Variants in STAU2 observed in about 807,000 individuals in gnomAD.
STAU2 encodes the protein staufen double-stranded RNA binding protein 2.
STAU2 carries 20 observed loss-of-function variants against 65.9 expected under a neutral mutation model. The ratio of observed to expected loss-of-function variants is 0.30; its 90% confidence interval spans 0.21 to 0.44. STAU2 has a LOEUF of 0.44. STAU2 is among the 20% of genes least tolerant of loss of function. STAU2 has a pLI of 1.00. For synonymous variants in STAU2, 232 were observed against 233.9 expected, an observed-to-expected ratio of 0.99 and a Z score of 0.07; for missense variants, 558 against 683.9, an observed-to-expected ratio of 0.82 and a Z score of 2.05.
At chr8:73,690,478 A>C (rs956212952) in intron 4 of STAU2, among the ~76,000 whole-genome samples, 20 of 152,286 alleles carry the variant, frequency 1.3e-4, no homozygotes, top group Admixed American at 1.3e-3. Flanking sequence ...TATGAACTAT[A>C]CATTAAGTAA....
At chr8:73,425,784 A>C (rs1381866609) in intron 13 of STAU2, among the ~76,000 whole-genome samples, 2 of 151,942 alleles carry the variant, frequency 1.3e-5, no homozygotes, top group African/African-American at 2.4e-5. Context: ...TTTCCATATC[A>C]CTTGTTTTTT....
chr8:73,611,317 C>A (rs1398224707), intron 9 of STAU2, among the ~76,000 whole-genome samples: 1 of 152,060 alleles, frequency 6.6e-6, no homozygotes, highest in East Asian at 1.9e-4. Flanking sequence ...TAACATAAGA[C>A]AGACATGGCA....
intron 13 of STAU2, among the ~76,000 whole-genome samples, chr8:73,471,037 TA>T (rs1220624702): frequency 6.6e-6 from 1 of 152,144 alleles, no homozygotes; most frequent in Admixed American, 6.5e-5. Context: ...CAACTCCTAA[TA>T]GTTTTTAGTT....
chr8:73,501,349 A>AT (rs1463541125), intron 13 of STAU2, among the ~76,000 whole-genome samples: 11 of 151,984 alleles, frequency 7.2e-5, no homozygotes, highest in Admixed American at 2.0e-4. Flanking sequence ...TCTCTATACA[A>AT]AGAAAACAGA....
intron 6 of STAU2, among the ~76,000 whole-genome samples, chr8:73,623,763 T>C (rs1813438159): frequency 6.6e-6 from 1 of 152,218 alleles, no homozygotes; most frequent in Admixed American, 6.5e-5. Flanking sequence ...CATAGAGCTA[T>C]AAAATAGTCC....
chr8:73,644,292 C>T (rs1214076623), intron 6 of STAU2, among the ~76,000 whole-genome samples: 7 of 151,774 alleles, frequency 4.6e-5, no homozygotes, highest in Admixed American at 3.9e-4. Flanking sequence ...ACACTAAATA[C>T]ATAGATCAGA....
intron 6 of STAU2, among the ~76,000 whole-genome samples, chr8:73,620,647 A>G (rs996641342): frequency 9.2e-5 from 14 of 152,246 alleles, no homozygotes; most frequent in African/African-American, 3.4e-4. Context: ...ATGTGGATAT[A>G]TATGTATATA....
At chr8:73,585,816 C>T (rs750158154) in intron 11 of STAU2, among the ~76,000 whole-genome samples, 10 of 152,190 alleles carry the variant, frequency 6.6e-5, no homozygotes, top group Non-Finnish European at 1.0e-4. Flanking sequence ...ATAATCCCCA[C>T]GTCTCAAGGG....
intron 13 of STAU2, among the ~76,000 whole-genome samples, chr8:73,479,757 C>T (rs1820515701): frequency 7.2e-6 from 1 of 138,740 alleles, no homozygotes; most frequent in South Asian, 2.4e-4. Context: ...AAAAAGAACA[C>T]TTTACTGTGC....
intron 13 of STAU2, among the ~76,000 whole-genome samples, chr8:73,463,597 G>A (rs1013236014): frequency 8.5e-5 from 13 of 152,168 alleles, no homozygotes; most frequent in African/African-American, 2.4e-4. Flanking sequence ...TAGGTTTACC[G>A]ACTGATGTGC....
intron 13 of STAU2, among the ~76,000 whole-genome samples, chr8:73,505,623 G>A (rs1232972807): frequency 1.3e-5 from 2 of 152,036 alleles, no homozygotes; most frequent in Non-Finnish European, 2.9e-5. Flanking sequence ...TGAAGTTTCT[G>A]ACCTAAATAA....
At chr8:73,457,935 G>C (rs1193266005) in intron 13 of STAU2, among the ~76,000 whole-genome samples, 1 of 152,174 alleles carries the variant, frequency 6.6e-6, no homozygotes, top group Non-Finnish European at 1.5e-5. Context: ...GAGGGACCTA[G>C]GCACGGGGTT....
intron 12 of STAU2, among the ~76,000 whole-genome samples, chr8:73,581,909 G>A (rs974820211): frequency 2.6e-5 from 4 of 152,122 alleles, no homozygotes; most frequent in Non-Finnish European, 5.9e-5. Context: ...CATGGATTAC[G>A]ATAATTTACA....
chr8:73,561,488 G>C, intron 12 of STAU2: 1 of 450,386 alleles, frequency 2.2e-6, no homozygotes, highest in South Asian at 1.6e-5. Context: ...AATAAAGATC[G>C]TTCTTCTTGG....
At chr8:73,611,393 A>T (rs1235888158) in intron 9 of STAU2, among the ~76,000 whole-genome samples, 1 of 152,166 alleles carries the variant, frequency 6.6e-6, no homozygotes, top group Non-Finnish European at 1.5e-5. Flanking sequence ...TGGGAGTAGG[A>T]GAGGACCAGA....
chr8:73,467,071 C>G (rs1819698729), intron 13 of STAU2, among the ~76,000 whole-genome samples: 2 of 152,216 alleles, frequency 1.3e-5, no homozygotes, highest in Admixed American at 1.3e-4. Flanking sequence ...AATATGCACA[C>G]ACCTCTTTCA....
intron 13 of STAU2, among the ~76,000 whole-genome samples, chr8:73,449,716 T>A (rs1818689750): frequency 6.6e-6 from 1 of 152,174 alleles, no homozygotes. Flanking sequence ...AGCTCCCTCT[T>A]GACTAAGCTC....
At chr8:73,600,004 G>A (rs1456971882) in intron 10 of STAU2, among the ~76,000 whole-genome samples, 5 of 152,056 alleles carry the variant, frequency 3.3e-5, no homozygotes, top group Admixed American at 2.6e-4. Flanking sequence ...TCCTGACCTC[G>A]TGATCCACCT....
At chr8:73,626,094 C>A (rs1042885285) in intron 6 of STAU2, among the ~76,000 whole-genome samples, 7 of 151,956 alleles carry the variant, frequency 4.6e-5, no homozygotes, top group Non-Finnish European at 8.8e-5. Context: ...CACACACACA[C>A]ACACACACAG....
Sources: gnomAD v4.1 joint callset for allele counts (sites outside exome capture counted in the v4.1 genomes callset) on GRCh38, gnomAD v4.1.1 for gene constraint, MANE v1.5 for transcripts, NCBI Gene and HGNC (gene_info 2026-07-23, HGNC 2026-07-21) for gene names.